DISC1: variants seen among roughly 807,000 people sequenced by gnomAD.
The protein encoded by DISC1 is DISC1 scaffold protein, also known as disrupted in schizophrenia 1 protein.
A neutral mutation model predicts 84.5 loss-of-function variants in DISC1; 57 were observed. The ratio of observed to expected loss-of-function variants is 0.67; its 90% confidence interval spans 0.55 to 0.84. The LOEUF (loss-of-function observed/expected upper bound fraction) is 0.84. Among genes scored for constraint, DISC1 ranks in the 40% least tolerant of loss-of-function variants. The pLI, the probability that DISC1 is intolerant of heterozygous loss-of-function variation, is 0.00. For synonymous variants in DISC1, 411 were observed against 415.2 expected, an observed-to-expected ratio of 0.99 and a Z score of 0.12; for missense variants, 1,000 against 1,057.8, an observed-to-expected ratio of 0.95 and a Z score of 0.76.
intron 3 of DISC1, among the ~76,000 whole-genome samples, chr1:231,714,242 T>C (rs562457806): frequency 6.6e-6 from 1 of 152,212 alleles, no homozygotes; most frequent in Non-Finnish European, 1.5e-5. Flanking sequence ...TTGAAACATG[T>C]AAATAGAGTT....
chr1:231,633,022 G>T (rs2058864474), intron 1 of DISC1, among the ~76,000 whole-genome samples: 2 of 152,180 alleles, frequency 1.3e-5, no homozygotes, highest in Admixed American at 1.3e-4. Flanking sequence ...AGTGAGCCAA[G>T]ATCATGTCAC....
At chr1:231,944,967 G>A (rs573521321) in intron 9 of DISC1, 10 of 152,198 alleles carry the variant, frequency 6.6e-5, no homozygotes, top group Non-Finnish European at 1.3e-4. Context: ...CCTACAAAGC[G>A]GCTTAGACTC....
chr1:231,777,194 G>T (rs1305922793), intron 6 of DISC1, among the ~76,000 whole-genome samples: 1 of 152,086 alleles, frequency 6.6e-6, no homozygotes, highest in Admixed American at 6.6e-5. Flanking sequence ...AGGAAATTCT[G>T]ATTTTCCCCC....
intron 9 of DISC1, among the ~76,000 whole-genome samples, chr1:231,888,516 G>T (rs2086944643): frequency 6.6e-6 from 1 of 151,308 alleles, no homozygotes; most frequent in Non-Finnish European, 1.5e-5. Flanking sequence ...AGGCCGAGGG[G>T]GGTGGATCAT....
intron 9 of DISC1, among the ~76,000 whole-genome samples, chr1:231,883,222 A>G (rs1345764732): frequency 2.6e-5 from 4 of 152,184 alleles, no homozygotes; most frequent in South Asian, 4.1e-4. Context: ...TCATTCATTC[A>G]TTCATTCTTC....
chr1:231,805,369 C>A (rs2079619954), intron 8 of DISC1, among the ~76,000 whole-genome samples: 1 of 151,982 alleles, frequency 6.6e-6, no homozygotes, highest in African/African-American at 2.4e-5. Flanking sequence ...TATGATTCTG[C>A]AAATTGTACA....
chr1:231,738,076 T>G (rs1224604122), intron 3 of DISC1, among the ~76,000 whole-genome samples: 2 of 147,974 alleles, frequency 1.4e-5, no homozygotes, highest in East Asian at 2.1e-4. Context: ...CTTGAACTCT[T>G]GAGCTCAAGC....
chr1:231,948,258 T>C (rs1433838142), intron 9 of DISC1, among the ~76,000 whole-genome samples: 1 of 152,186 alleles, frequency 6.6e-6, no homozygotes, highest in African/African-American at 2.4e-5. Context: ...ATATACACCA[T>C]GGAATACTAT....
intron 1 of DISC1, among the ~76,000 whole-genome samples, chr1:231,665,307 A>AT (rs76270376): frequency 0.18 from 27,456 of 151,470 alleles, 3,248 homozygotes; most frequent in East Asian, 0.49. Flanking sequence ...CAGTTCTCAC[A>AT]TTTTTTTTTG....
chr1:231,807,214 G>A (rs72760420), intron 8 of DISC1, among the ~76,000 whole-genome samples: 14,765 of 152,214 alleles, frequency 0.097, 912 homozygotes, highest in Non-Finnish European at 0.14. Context: ...GACCTGACTG[G>A]TATCACAGTC....
At chr1:231,961,013 G>A (rs1409070827) in intron 10 of DISC1, among the ~76,000 whole-genome samples, 3 of 152,236 alleles carry the variant, frequency 2.0e-5, no homozygotes, top group Non-Finnish European at 2.9e-5. Flanking sequence ...GATGCATAGG[G>A]TGAGGTATGG....
intron 6 of DISC1, among the ~76,000 whole-genome samples, chr1:231,785,011 G>A (rs764922576): frequency 2.6e-5 from 4 of 152,172 alleles, no homozygotes; most frequent in African/African-American, 4.8e-5. Context: ...CATGGCGTTT[G>A]TGCCTCTGTG....
chr1:232,024,823 C>A (rs1214316186), intron 11 of DISC1, among the ~76,000 whole-genome samples: 1 of 152,072 alleles, frequency 6.6e-6, no homozygotes, highest in Non-Finnish European at 1.5e-5. Context: ...AACTCCTGAC[C>A]TCATGATCCA....
chr1:231,829,702 C>A (rs766922964), intron 9 of DISC1, among the ~76,000 whole-genome samples: 1 of 152,162 alleles, frequency 6.6e-6, no homozygotes, highest in African/African-American at 2.4e-5. Context: ...AGACACCAAA[C>A]AGGCTTTGTG....
chr1:232,029,080 A>G (rs550135361), intron 12 of DISC1, among the ~76,000 whole-genome samples: 26 of 152,334 alleles, frequency 1.7e-4, no homozygotes, highest in African/African-American at 6.3e-4. Context: ...CATGGAACAC[A>G]CAATTACTTT....
intron 5 of DISC1, among the ~76,000 whole-genome samples, chr1:231,770,064 C>A (rs1371046947): frequency 6.6e-6 from 1 of 152,016 alleles, no homozygotes; most frequent in Non-Finnish European, 1.5e-5. Flanking sequence ...TTAGGAGACA[C>A]CCAGGATTAG....
At chr1:231,735,239 G>A (rs957563636) in intron 3 of DISC1, among the ~76,000 whole-genome samples, 1 of 152,120 alleles carries the variant, frequency 6.6e-6, no homozygotes, top group African/African-American at 2.4e-5. Flanking sequence ...GATTTATCTT[G>A]TAATATTAAA....
intron 10 of DISC1, among the ~76,000 whole-genome samples, chr1:231,998,139 G>A (rs1298243968): frequency 8.5e-5 from 13 of 152,230 alleles, no homozygotes; most frequent in Non-Finnish European, 7.3e-5. Flanking sequence ...TGCATTGAAT[G>A]CCAAGTGGAT....
At chr1:231,769,941 A>T (rs1423855002) in intron 5 of DISC1, among the ~76,000 whole-genome samples, 2 of 152,154 alleles carry the variant, frequency 1.3e-5, no homozygotes, top group African/African-American at 4.8e-5. Flanking sequence ...TCTTGGTAGT[A>T]GACATTCTTT....
Sources: allele counts gnomAD v4.1 joint callset (sites outside exome capture counted in the v4.1 genomes callset), GRCh38; gene constraint gnomAD v4.1.1; transcripts MANE v1.5; gene names NCBI Gene and HGNC (gene_info 2026-07-23, HGNC 2026-07-21).